Variants in OSBP2 observed in about 807,000 individuals in gnomAD.
OSBP2 encodes oxysterol binding protein 2, also known as oxysterol-binding protein 2.
Under a neutral mutation model 96.0 loss-of-function variants are expected in OSBP2, and 66 were observed. The observed-to-expected ratio is 0.69, with a 90% CI of 0.56 to 0.84. The LOEUF is 0.84. Among genes scored for constraint, OSBP2 ranks in the 40% least tolerant of loss-of-function variants. The pLI, the probability that OSBP2 is intolerant of heterozygous loss-of-function variation, is 0.00. For synonymous variants in OSBP2, 525 were observed against 520.9 expected, an observed-to-expected ratio of 1.01 and a Z score of -0.11; for missense variants, 1,038 against 1,222.7, an observed-to-expected ratio of 0.85 and a Z score of 2.25.
At chr22:30,856,673 C>T (rs2039086387) in intron 2 of OSBP2, among the ~76,000 whole-genome samples, 1 of 151,990 alleles carries the variant, frequency 6.6e-6, no homozygotes, top group African/African-American at 2.4e-5. Flanking sequence ...AGGCATGAGC[C>T]ACCATGCCCA....
intron 2 of OSBP2, among the ~76,000 whole-genome samples, chr22:30,779,986 T>C (rs1003569048): frequency 6.6e-6 from 1 of 152,328 alleles, no homozygotes; most frequent in African/African-American, 2.4e-5. Flanking sequence ...TTCCACATTG[T>C]TTTTCCTTTT....
chr22:30,804,105 TCAGA>T (rs1343549242), intron 2 of OSBP2, among the ~76,000 whole-genome samples: 5 of 152,144 alleles, frequency 3.3e-5, no homozygotes, highest in Non-Finnish European at 2.9e-5. Context: ...CCTGGCAAGG[TCAGA>T]CAGATAGATG....
chr22:30,695,370 G>C lies in OSBP2; in HGVS notation c.461G>C (p.Arg154Pro). The C allele has an allele frequency of 6.2e-7, 1 of 1,613,878 alleles. No homozygotes were observed. Among genetic ancestry groups the C allele is most frequent in the South Asian group, 1.1e-5 (1 of 91,074 alleles). Residue 154 changes from arginine (R) to proline (P), a missense_variant, in exon 1 of 14, where the codon CGA (arginine) becomes CCA (proline). Physicochemically the swap from Arg to Pro is moderately radical, Grantham distance 103. Transcript: ENST00000332585. ...LPALKPLPLL[R>P]PGQAKTPLGV... ...GCGTTAAAGCCCCTGCCTCTTCTGC[G>C]ACCAGGACAGGCGAAGACTCCTCTT...
At chr22:30,828,103 C>A (rs533076664) in intron 2 of OSBP2, among the ~76,000 whole-genome samples, 3 of 152,260 alleles carry the variant, frequency 2.0e-5, no homozygotes, top group African/African-American at 7.2e-5. Context: ...GGCAGAACCT[C>A]CGAGCCTGGG....
chr22:30,766,184 A>G (rs957778463), intron 2 of OSBP2, among the ~76,000 whole-genome samples: 2 of 152,308 alleles, frequency 1.3e-5, no homozygotes, highest in African/African-American at 2.4e-5. Flanking sequence ...TCAGTGAACT[A>G]TGATCATGCC....
chr22:30,730,314 A>G (rs1055016608), intron 1 of OSBP2, among the ~76,000 whole-genome samples: 1 of 152,170 alleles, frequency 6.6e-6, no homozygotes, highest in African/African-American at 2.4e-5. Flanking sequence ...TATAACATAC[A>G]TGCAGAAAAA....
chr22:30,744,788 A>G (rs1390841347), intron 2 of OSBP2, among the ~76,000 whole-genome samples: 1 of 152,076 alleles, frequency 6.6e-6, no homozygotes, highest in Non-Finnish European at 1.5e-5. Flanking sequence ...AAACAAACAA[A>G]TAAATCAACT....
In OSBP2 at chr22:30,723,468, C is replaced by T. The variant is rs575831727; in HGVS notation, c.645-17693C>T. On this transcript the variant is annotated intron_variant, in intron 1 of 13. Coordinates refer to ENST00000332585, the MANE Select transcript of OSBP2 (RefSeq NM_030758.4). ...TTGCTCCGTTGCCTAGGCTGGAGTG[C>T]AGTGGCGTGATCTCGGCTCGCTGCA... Among the ~76,000 whole-genome samples, 37 of 151,926 alleles carry T rather than the reference C, an allele frequency of 2.4e-4. 1 individual carries two copies. The South Asian group carries it at 7.5e-3, about 31-fold the overall frequency.
At chr22:30,901,742 G>A (rs1488224347) in intron 12 of OSBP2, among the ~76,000 whole-genome samples, 3 of 152,146 alleles carry the variant, frequency 2.0e-5, no homozygotes, top group Admixed American at 6.5e-5. Flanking sequence ...GCACACACCT[G>A]TAATCCCAGC....
intron 1 of OSBP2, among the ~76,000 whole-genome samples, chr22:30,705,733 G>A (rs2089242727): frequency 6.6e-6 from 1 of 152,158 alleles, no homozygotes; most frequent in Non-Finnish European, 1.5e-5. Context: ...TTGTGACAGT[G>A]AGCCTGCACT....
At chr22:30,742,390 C>A (rs1873747046) in intron 2 of OSBP2, among the ~76,000 whole-genome samples, 2 of 151,258 alleles carry the variant, frequency 1.3e-5, no homozygotes, top group South Asian at 2.1e-4. Flanking sequence ...CAAGATTGCA[C>A]CAGGGTGAGA....
chr22:30,772,151 G>A (rs2145791486), intron 2 of OSBP2, among the ~76,000 whole-genome samples: 1 of 152,286 alleles, frequency 6.6e-6, no homozygotes, highest in African/African-American at 2.4e-5. Context: ...GTGGCCTCAG[G>A]CACTGCCCTC....
chr22:30,790,653 T>TAAAAAAAAAA (rs136297), intron 2 of OSBP2, among the ~76,000 whole-genome samples: 1 of 136,972 alleles, frequency 7.3e-6, no homozygotes, highest in African/African-American at 2.7e-5. Context: ...CAAACTGCAT[T>TAAAAAAAAAA]AAAAAAAAAA....
At chr22:30,865,844 G>A (rs1457103522) in intron 2 of OSBP2, among the ~76,000 whole-genome samples, 1 of 152,064 alleles carries the variant, frequency 6.6e-6, no homozygotes, top group Non-Finnish European at 1.5e-5. Flanking sequence ...GTGGAGTGAG[G>A]AGCAGGACTG....
chr22:30,731,303 G>C (rs1184262378), intron 1 of OSBP2, among the ~76,000 whole-genome samples: 1 of 152,150 alleles, frequency 6.6e-6, no homozygotes, highest in Non-Finnish European at 1.5e-5. Flanking sequence ...TCCCTTGCTG[G>C]ATGAGACTTC....
chr22:30,829,449 C>T (rs746246706), intron 2 of OSBP2, among the ~76,000 whole-genome samples: 2 of 152,164 alleles, frequency 1.3e-5, no homozygotes, highest in African/African-American at 2.4e-5. Context: ...CCTGCCACCA[C>T]GCCTGGCTAA....
intron 2 of OSBP2, among the ~76,000 whole-genome samples, chr22:30,764,083 T>C (rs1451340217): frequency 6.6e-6 from 1 of 152,234 alleles, no homozygotes; most frequent in Non-Finnish European, 1.5e-5. Flanking sequence ...GATACAGAGC[T>C]GGCCACCTCC....
Position 30,828,774 on chromosome 22 carries a change from AAGG to A in OSBP2, c.854-41649_854-41647del, listed in dbSNP as rs1163606742. ...AGGTAGAGAGGGCGAGAGCTCAAGG[AAGG>A]AGGAGAGGAGACGGGGGAGAGGTGG... On this transcript the variant is annotated intron_variant, in intron 2 of 13. Transcript: ENST00000332585. Among the ~76,000 whole-genome samples, 16 of 152,224 alleles carry A rather than the reference AAGG, an allele frequency of 1.1e-4. No individual in the cohort carries two copies. In the South Asian group the frequency reaches 1.5e-3, roughly 14 times the overall value.
At chr22:30,902,133 A>ACAAAC in intron 12 of OSBP2, 1 of 195,616 alleles carries the variant, frequency 5.1e-6, no homozygotes, top group African/African-American at 5.7e-5. Context: ...AACGAAAAAA[A>ACAAAC]AAAAACCAAA....
Sources: gnomAD v4.1 joint callset for allele counts (sites outside exome capture counted in the v4.1 genomes callset) on GRCh38, gnomAD v4.1.1 for gene constraint, MANE v1.5 for transcripts, NCBI Gene and HGNC (gene_info 2026-07-23, HGNC 2026-07-21) for gene names.